CNTNAP2: variants seen among roughly 807,000 people sequenced by gnomAD.
The protein encoded by CNTNAP2 is contactin associated protein 2.
A neutral mutation model predicts 155.2 loss-of-function variants in CNTNAP2; 98 were observed. The observed-to-expected ratio is 0.63, with a 90% CI of 0.54 to 0.75. CNTNAP2 has a LOEUF of 0.75. CNTNAP2 is among the 30% of genes least tolerant of loss of function. The probability of loss-of-function intolerance (pLI) is 0.00; values close to 1 mark genes in which losing one functional copy is unlikely to be tolerated. For missense variants in CNTNAP2, 1,727 were observed against 1,688.1 expected (o/e 1.02, Z -0.40); for synonymous variants, 651 against 631.2 (o/e 1.03, Z -0.47).
intron 3 of CNTNAP2, among the ~76,000 whole-genome samples, chr7:146,962,636 C>T (rs1383939515): frequency 6.6e-6 from 1 of 152,154 alleles, no homozygotes; most frequent in African/African-American, 2.4e-5. Flanking sequence ...CTGCAACCTC[C>T]ACCTCCTGGG....
intron 1 of CNTNAP2, among the ~76,000 whole-genome samples, chr7:146,303,840 T>C (rs969149508): frequency 6.6e-6 from 1 of 152,110 alleles, no homozygotes; most frequent in Non-Finnish European, 1.5e-5. Flanking sequence ...TTCTGTCTCG[T>C]TGATCTGTCT....
At chr7:146,497,403 C>T (rs1468882226) in intron 1 of CNTNAP2, among the ~76,000 whole-genome samples, 3 of 151,952 alleles carry the variant, frequency 2.0e-5, no homozygotes, top group Admixed American at 6.6e-5. Flanking sequence ...TATACTTTAC[C>T]GTTTACTATT....
intron 1 of CNTNAP2, among the ~76,000 whole-genome samples, chr7:146,389,205 G>T (rs1270969106): frequency 6.8e-6 from 1 of 146,762 alleles, no homozygotes; most frequent in African/African-American, 2.6e-5. Flanking sequence ...TTATTATGGA[G>T]CAAATTGTAG....
At chr7:146,452,189 G>A (rs1278422337) in intron 1 of CNTNAP2, among the ~76,000 whole-genome samples, 3 of 152,030 alleles carry the variant, frequency 2.0e-5, no homozygotes, top group Non-Finnish European at 4.4e-5. Flanking sequence ...TTACAGGAGT[G>A]AGCCACTGCG....
chr7:147,838,773 C>T (rs560418458), intron 13 of CNTNAP2, among the ~76,000 whole-genome samples: 2 of 152,174 alleles, frequency 1.3e-5, no homozygotes, highest in Admixed American at 6.5e-5. Context: ...CCCACATTTT[C>T]CTGTCTTCTT....
intron 13 of CNTNAP2, among the ~76,000 whole-genome samples, chr7:147,854,814 C>T (rs1257387944): frequency 6.6e-6 from 1 of 152,042 alleles, no homozygotes. Context: ...CTTTTTCAAC[C>T]ATAAGCTACA....
At chr7:146,244,735 G>A (rs1799617470) in intron 1 of CNTNAP2, among the ~76,000 whole-genome samples, 1 of 152,090 alleles carries the variant, frequency 6.6e-6, no homozygotes, top group Admixed American at 6.5e-5. Context: ...TATAGAGGTG[G>A]GAAGGCTAAA....
At chr7:146,139,118 C>T (rs1217050298) in intron 1 of CNTNAP2, among the ~76,000 whole-genome samples, 1 of 152,022 alleles carries the variant, frequency 6.6e-6, no homozygotes, top group Non-Finnish European at 1.5e-5. Context: ...GGTTGTTAAC[C>T]CTCGTGATTG....
At chr7:148,120,778 C>A (rs919891061) in intron 16 of CNTNAP2, among the ~76,000 whole-genome samples, 5 of 152,144 alleles carry the variant, frequency 3.3e-5, no homozygotes, top group Non-Finnish European at 5.9e-5. Flanking sequence ...CCTCAGAGCC[C>A]CCTGTATCTA....
At chr7:146,744,956 TAA>T (rs1801784762) in intron 1 of CNTNAP2, among the ~76,000 whole-genome samples, 1 of 152,208 alleles carries the variant, frequency 6.6e-6, no homozygotes, top group African/African-American at 2.4e-5. Flanking sequence ...ATTGGCTTTT[TAA>T]AACAATCAAG....
At chr7:147,598,760 G>C (rs1018957275) in intron 12 of CNTNAP2, among the ~76,000 whole-genome samples, 11 of 152,140 alleles carry the variant, frequency 7.2e-5, no homozygotes, top group Admixed American at 2.0e-4. Flanking sequence ...GAGGTACCTA[G>C]TGGGAGTTAA....
At chr7:148,335,803 G>T (rs1012904247) in intron 21 of CNTNAP2, among the ~76,000 whole-genome samples, 1 of 152,096 alleles carries the variant, frequency 6.6e-6, no homozygotes, top group South Asian at 2.1e-4. Flanking sequence ...ACTTAACATT[G>T]CCTTAGCCTT....
At chr7:146,884,928 A>G (rs1370575731) in intron 3 of CNTNAP2, among the ~76,000 whole-genome samples, 1 of 152,150 alleles carries the variant, frequency 6.6e-6, no homozygotes, top group Non-Finnish European at 1.5e-5. Context: ...AATGTCATAT[A>G]TGCCTTTAAA....
chr7:147,289,620 A>G (rs1385616471), intron 8 of CNTNAP2, among the ~76,000 whole-genome samples: 1 of 152,234 alleles, frequency 6.6e-6, no homozygotes, highest in Non-Finnish European at 1.5e-5. Flanking sequence ...GAAATTAATC[A>G]TTGGCAGAAT....
Position 147,414,941 on chromosome 7 carries a change from C to CAAAAAAAAAAA in CNTNAP2, c.1670+19173_1670+19183dup. ...TGGGTGAAAGAGAGAGACTCCTTCT[C>CAAAAAAAAAAA]AAAAAAAAAAAAAAAAAAAAAAGAA... On this transcript the variant is annotated intron_variant, in intron 10 of 23. Coordinates refer to ENST00000361727, the MANE Select transcript of CNTNAP2 (RefSeq NM_014141.6). Among the ~76,000 whole-genome samples the CAAAAAAAAAAA allele has an allele frequency of 3.9e-5, 2 of 50,952 alleles. 1 individual carries two copies. The highest frequency in any genetic ancestry group is 0.032 in the Middle Eastern group (2 of 62). The allele number at this position is 50,952 out of a possible 152,430, so 33.4% of individuals were successfully genotyped here.
intron 14 of CNTNAP2, among the ~76,000 whole-genome samples, chr7:147,930,682 A>G (rs1585034784): frequency 1.3e-5 from 2 of 152,216 alleles, no homozygotes; most frequent in Non-Finnish European, 2.9e-5. Flanking sequence ...ATAAGAAACT[A>G]TAGACCAAGT....
chr7:147,960,482 A>G (rs1265075380), intron 14 of CNTNAP2, among the ~76,000 whole-genome samples: 4 of 152,194 alleles, frequency 2.6e-5, no homozygotes, highest in Non-Finnish European at 5.9e-5. Flanking sequence ...TAAATCTTGG[A>G]TTGCCTGAAA....
intron 1 of CNTNAP2, among the ~76,000 whole-genome samples, chr7:146,402,429 A>G (rs1795727594): frequency 1.3e-5 from 2 of 152,136 alleles, no homozygotes; most frequent in African/African-American, 4.8e-5. Context: ...TTCTATCCAG[A>G]GTCATCAATA....
chr7:147,128,487 T>C (rs1801282976), intron 6 of CNTNAP2, among the ~76,000 whole-genome samples: 1 of 152,204 alleles, frequency 6.6e-6, no homozygotes, highest in Admixed American at 6.5e-5. Flanking sequence ...TTGTTCAAGT[T>C]ATAATCTAAT....
Sources: gnomAD v4.1 joint callset for allele counts (sites outside exome capture counted in the v4.1 genomes callset) on GRCh38, gnomAD v4.1.1 for gene constraint, MANE v1.5 for transcripts, NCBI Gene and HGNC (gene_info 2026-07-23, HGNC 2026-07-21) for gene names.